The following PRKN variants were observed in gnomAD, a reference collection of about 807,000 sequenced individuals.
The protein encoded by PRKN is E3 ubiquitin-protein ligase parkin.
A neutral mutation model predicts 59.5 loss-of-function variants in PRKN; 56 were observed. The ratio of observed to expected loss-of-function variants is 0.94; its 90% CI spans 0.76 to 1.18. The LOEUF is 1.18. Ranked by LOEUF, PRKN falls within the 50% of genes most tolerant of loss-of-function variation. The pLI is 0.00. For missense variants in PRKN, 657 were observed against 596.4 expected, an observed-to-expected ratio of 1.10 and a Z score of -1.06; for synonymous variants, 250 against 222.1, an observed-to-expected ratio of 1.13 and a Z score of -1.12.
At chr6:162,035,859 A>G (rs1209602042) in intron 5 of PRKN, among the ~76,000 whole-genome samples, 1 of 152,228 alleles carries the variant, frequency 6.6e-6, no homozygotes, top group Non-Finnish European at 1.5e-5. Flanking sequence ...TTTTGGTGAG[A>G]AATAAGTAAC....
intron 1 of PRKN, among the ~76,000 whole-genome samples, chr6:162,651,339 C>T (rs1583984266): frequency 6.6e-6 from 1 of 152,108 alleles, no homozygotes; most frequent in Non-Finnish European, 1.5e-5. Context: ...ACGTGCACAC[C>T]GTAACACACT....
intron 7 of PRKN, among the ~76,000 whole-genome samples, chr6:161,776,291 C>T (rs1428935061): frequency 6.6e-6 from 1 of 152,176 alleles, no homozygotes; most frequent in African/African-American, 2.4e-5. Context: ...CGAGCATAGA[C>T]TACTAGTAAT....
At chr6:161,381,289 ACTGGAGTGGTCATCAGT>A (rs1398425161) in intron 10 of PRKN, among the ~76,000 whole-genome samples, 1 of 152,098 alleles carries the variant, frequency 6.6e-6, no homozygotes, top group Non-Finnish European at 1.5e-5. Flanking sequence ...CTTCACTGGG[ACTGGAGTGGTCATCAGT>A]GCTGGCTGGT....
At chr6:162,280,200 G>A (rs1470101746) in intron 2 of PRKN, among the ~76,000 whole-genome samples, 1 of 152,054 alleles carries the variant, frequency 6.6e-6, no homozygotes, top group Non-Finnish European at 1.5e-5. Flanking sequence ...GTGTGAATTT[G>A]TTCCTGCATT....
intron 4 of PRKN, among the ~76,000 whole-genome samples, chr6:162,156,998 A>G (rs1274920629): frequency 5.9e-5 from 1 of 16,898 alleles, no homozygotes; most frequent in South Asian, 1.5e-3. Flanking sequence ...GTATACATCA[A>G]TCTTTCCATT....
At chr6:162,673,579 T>G (rs1468858769) in intron 1 of PRKN, among the ~76,000 whole-genome samples, 1 of 151,838 alleles carries the variant, frequency 6.6e-6, no homozygotes, top group African/African-American at 2.4e-5. Flanking sequence ...AGAGACAGAG[T>G]TTCACCATGT....
chr6:162,479,122 G>A (rs140994363), intron 1 of PRKN, among the ~76,000 whole-genome samples: 210 of 151,542 alleles, frequency 1.4e-3, no homozygotes, highest in African/African-American at 4.8e-3. Flanking sequence ...TAATAATACC[G>A]GTTTAACACA....
chr6:161,450,563 C>T (rs11966929), intron 9 of PRKN, among the ~76,000 whole-genome samples: 24,374 of 149,162 alleles, frequency 0.16, 2,199 homozygotes, highest in African/African-American at 0.26. Context: ...TCTTTTTCTT[C>T]CTTTTTTTTT....
chr6:161,766,969 C>T (rs1191348836), intron 7 of PRKN, among the ~76,000 whole-genome samples: 1 of 152,104 alleles, frequency 6.6e-6, no homozygotes, highest in South Asian at 2.1e-4. Flanking sequence ...TAGTATCAAC[C>T]ACAGAGAATC....
intron 2 of PRKN, among the ~76,000 whole-genome samples, chr6:162,311,664 A>G (rs1009972712): frequency 6.6e-6 from 1 of 151,592 alleles, no homozygotes; most frequent in Non-Finnish European, 1.5e-5. Flanking sequence ...TTGTATTTTT[A>G]GTAGAGACAG....
At chr6:162,143,350 A>G (rs1434593185) in intron 4 of PRKN, among the ~76,000 whole-genome samples, 3 of 152,178 alleles carry the variant, frequency 2.0e-5, no homozygotes, top group Non-Finnish European at 4.4e-5. Flanking sequence ...TCTTGCTTGC[A>G]CTATGGACTT....
chr6:162,440,564 C>T (rs1420323262), intron 2 of PRKN, among the ~76,000 whole-genome samples: 1 of 152,124 alleles, frequency 6.6e-6, no homozygotes, highest in African/African-American at 2.4e-5. Context: ...TTCTTTTATA[C>T]TCACAATATC....
At chr6:162,416,393 G>T (rs1788631385) in intron 2 of PRKN, among the ~76,000 whole-genome samples, 1 of 152,172 alleles carries the variant, frequency 6.6e-6, no homozygotes, top group Non-Finnish European at 1.5e-5. Flanking sequence ...TAATTATTCT[G>T]ATCAAGTCTA....
At chr6:161,618,213 C>T (rs1332184734) in intron 7 of PRKN, among the ~76,000 whole-genome samples, 1 of 152,186 alleles carries the variant, frequency 6.6e-6, no homozygotes, top group East Asian at 1.9e-4. Context: ...ATATCCCATG[C>T]TCGTTAATTC....
chr6:161,944,728 T>A (rs545717319), intron 6 of PRKN, among the ~76,000 whole-genome samples: 3 of 152,238 alleles, frequency 2.0e-5, no homozygotes, highest in Non-Finnish European at 4.4e-5. Context: ...TTAGGAATTG[T>A]ACTCCTTATA....
In PRKN at chr6:161,449,329, AAAAC is replaced by A. The variant is rs574353950; in HGVS notation, c.1084-62456_1084-62453del. On this transcript the variant is annotated intron_variant, in intron 9 of 11. Coordinates refer to ENST00000366898, the MANE Select transcript of PRKN (RefSeq NM_004562.3). ...CTTAAAACACAAGTAACTAGGGAGA[AAAAC>A]AAACAAAGAAACATAAACTCAAAGA... 3.3e-3 allele frequency among the ~76,000 whole-genome samples: 505 copies of A among 152,324 alleles called. 3 individuals are homozygous for A. Among genetic ancestry groups the A allele is most frequent in the African/African-American group, 0.012 (484 of 41,562 alleles).
rs181593065 is a variant in PRKN at position 161,512,250 on chromosome 6, C to T, written c.1083+36604G>A. On this transcript the variant is annotated intron_variant, in intron 9 of 11. Transcript: ENST00000366898. Reference sequence around the variant, plus strand: ...CTGCAAATATGATAAAACAGCACATCCCAAGCTCAGAAAAATGGTTTAAAA... The same window carrying T: ...CTGCAAATATGATAAAACAGCACATTCCAAGCTCAGAAAAATGGTTTAAAA... Among the ~76,000 whole-genome samples the T allele has an allele frequency of 3.3e-5, 5 of 151,814 alleles. 2 individuals are homozygous for T. Among genetic ancestry groups the T allele is most frequent in the Admixed American group, 3.3e-4 (5 of 15,244 alleles).
chr6:162,104,579 G>C (rs1780111905), intron 4 of PRKN, among the ~76,000 whole-genome samples: 1 of 151,736 alleles, frequency 6.6e-6, no homozygotes, highest in Admixed American at 6.6e-5. Context: ...ACGTGCAAGT[G>C]GATTACCAGG....
At chr6:162,472,431 G>C (rs895276061) in intron 1 of PRKN, among the ~76,000 whole-genome samples, 5 of 141,332 alleles carry the variant, frequency 3.5e-5, no homozygotes, top group Non-Finnish European at 6.0e-5. Flanking sequence ...CCACCTATGA[G>C]TGAGAACATG....
Sources: allele counts gnomAD v4.1 joint callset (sites outside exome capture counted in the v4.1 genomes callset), GRCh38; gene constraint gnomAD v4.1.1; transcripts MANE v1.5; gene names NCBI Gene and HGNC (gene_info 2026-07-23, HGNC 2026-07-21).